STK3: variants seen among roughly 807,000 people sequenced by gnomAD.
STK3 encodes the protein serine/threonine kinase 3.
STK3 carries 41 observed loss-of-function variants against 58.0 expected under a neutral mutation model. The ratio of observed to expected loss-of-function variants is 0.71; its 90% CI spans 0.55 to 0.92. The LOEUF is 0.92. Ranked by LOEUF, STK3 falls within the 40% of genes least tolerant of loss-of-function variation. The probability of loss-of-function intolerance (pLI) is 0.00; values close to 1 mark genes in which losing one functional copy is unlikely to be tolerated. For synonymous variants in STK3, 170 were observed against 191.0 expected, an observed-to-expected ratio of 0.89 and a Z score of 0.91; for missense variants, 479 against 602.7, an observed-to-expected ratio of 0.79 and a Z score of 2.15.
intron 1 of STK3, among the ~76,000 whole-genome samples, chr8:98,910,503 GA>G (rs1276920141): frequency 5.3e-5 from 8 of 152,248 alleles, no homozygotes; most frequent in African/African-American, 1.9e-4. Context: ...TATTGAGAAG[GA>G]AACTTCTATA....
chr8:98,486,026 A>C (rs1233403771), intron 10 of STK3, among the ~76,000 whole-genome samples: 1 of 152,202 alleles, frequency 6.6e-6, no homozygotes, highest in African/African-American at 2.4e-5. Context: ...TGGATAAAGG[A>C]AACAGACCGA....
chr8:98,766,016 A>T (rs1031869635), intron 3 of STK3, among the ~76,000 whole-genome samples: 1 of 152,056 alleles, frequency 6.6e-6, no homozygotes, highest in Admixed American at 6.6e-5. Context: ...GCACACCCCA[A>T]TGAGTTGTTT....
chr8:98,905,265 G>T, intron 1 of STK3: 1 of 832,164 alleles, frequency 1.2e-6, no homozygotes, highest in Non-Finnish European at 2.1e-6. Context: ...GAAACTCTGT[G>T]TTGTCAAGGC....
In STK3 at chr8:98,755,053, G is replaced by A. The variant is rs529374393; in HGVS notation, c.237-5663C>T. On this transcript the variant is annotated intron_variant, in intron 3 of 10. Coordinates refer to ENST00000419617, the MANE Select transcript of STK3 (RefSeq NM_006281.4). ...TAAGAGTAAGTCAAGAGAAAACTTT[G>A]GCAAAACGTAAAATTCTCTTCAAAA... 2.0e-5 allele frequency among the ~76,000 whole-genome samples: 3 copies of A among 152,226 alleles called. No individual in the cohort carries two copies. The South Asian group carries it at 6.2e-4, about 32-fold the overall frequency.
chr8:98,453,045 G>A (rs557091272), downstream of STK3, among the ~76,000 whole-genome samples: 1 of 104,162 alleles, frequency 9.6e-6, no homozygotes, highest in South Asian at 2.7e-4. Context: ...ACAGGCATGA[G>A]CCACCAAGCC....
chr8:98,687,162 C>T (rs953307078), intron 6 of STK3, among the ~76,000 whole-genome samples: 3 of 152,138 alleles, frequency 2.0e-5, no homozygotes, highest in African/African-American at 7.2e-5. Context: ...AAAGAAAAAA[C>T]CTTAAAGGCA....
chr8:98,704,063 G>A (rs1370888901), intron 6 of STK3, among the ~76,000 whole-genome samples: 2 of 152,084 alleles, frequency 1.3e-5, no homozygotes, highest in South Asian at 2.1e-4. Flanking sequence ...CTGAAAAAAA[G>A]CAGTTGTGTG....
At chr8:98,504,022 A>G (rs1434960538) in intron 10 of STK3, among the ~76,000 whole-genome samples, 3 of 152,134 alleles carry the variant, frequency 2.0e-5, no homozygotes, top group Admixed American at 6.5e-5. Flanking sequence ...TGGGAGTCTA[A>G]GTCTCTTTGT....
At chr8:98,376,506 ATAG>A (rs1236937407) in intron 2 of STK3, among the ~76,000 whole-genome samples, 1 of 142,784 alleles carries the variant, frequency 7.0e-6, no homozygotes, top group East Asian at 2.2e-4. Context: ...CCAAGGTCGC[ATAG>A]ATTTTTTCCT....
intron 6 of STK3, among the ~76,000 whole-genome samples, chr8:98,600,646 T>C (rs889380209): frequency 5.9e-5 from 9 of 152,172 alleles, no homozygotes; most frequent in African/African-American, 2.2e-4. Flanking sequence ...TTATATACAT[T>C]CAGTCTCTAG....
At chr8:98,664,278 A>C (rs1192209994) in intron 6 of STK3, among the ~76,000 whole-genome samples, 1 of 152,166 alleles carries the variant, frequency 6.6e-6, no homozygotes, top group Non-Finnish European at 1.5e-5. Context: ...ACCAAAAAAA[A>C]GGGGATCAGC....
intron 4 of STK3, among the ~76,000 whole-genome samples, chr8:98,742,127 T>A (rs1829269095): frequency 6.6e-6 from 1 of 151,798 alleles, no homozygotes; most frequent in African/African-American, 2.4e-5. Flanking sequence ...ACCAGATGGA[T>A]TCACAGCCGA....
intron 2 of STK3, among the ~76,000 whole-genome samples, chr8:98,375,250 G>A (rs1412030553): frequency 8.4e-6 from 1 of 119,512 alleles, no homozygotes; most frequent in Non-Finnish European, 1.7e-5. Context: ...GCAAGAAGCT[G>A]TTTCCAAAAC....
downstream of STK3, among the ~76,000 whole-genome samples, chr8:98,396,856 C>A (rs1379850162): frequency 6.6e-6 from 1 of 152,234 alleles, no homozygotes; most frequent in Non-Finnish European, 1.5e-5. Flanking sequence ...ACATGTTTGA[C>A]TCTGCCATTT....
chr8:98,861,568 G>A (rs1437968749), intron 3 of STK3, among the ~76,000 whole-genome samples: 15 of 151,846 alleles, frequency 9.9e-5, no homozygotes, highest in African/African-American at 3.6e-4. Context: ...GGCTGGTCTC[G>A]AACTCCTGAG....
chr8:98,399,421 C>T (rs1013298726), downstream of STK3, among the ~76,000 whole-genome samples: 11 of 152,208 alleles, frequency 7.2e-5, no homozygotes, highest in South Asian at 6.2e-4. Context: ...GACACATTCC[C>T]GGTTGACGCT....
chr8:98,890,608 G>A (rs1322011298), intron 1 of STK3, among the ~76,000 whole-genome samples: 1 of 152,020 alleles, frequency 6.6e-6, no homozygotes, highest in Non-Finnish European at 1.5e-5. Flanking sequence ...CAGCCACCAG[G>A]GGTCACATAA....
intron 1 of STK3, among the ~76,000 whole-genome samples, chr8:98,912,417 A>G (rs575142448): frequency 6.6e-6 from 1 of 152,022 alleles, no homozygotes; most frequent in Non-Finnish European, 1.5e-5. Context: ...AAAAAAAAAA[A>G]ACTTTATCTT....
At chr8:98,827,939 C>T (rs1018605890), upstream of STK3, among the ~76,000 whole-genome samples, 2 of 151,756 alleles carry the variant, frequency 1.3e-5, no homozygotes, top group African/African-American at 4.8e-5. Context: ...AATTACTCCA[C>T]TCTAACCCCC....
Sources: gnomAD v4.1 joint callset for allele counts (sites outside exome capture counted in the v4.1 genomes callset) on GRCh38, gnomAD v4.1.1 for gene constraint, MANE v1.5 for transcripts, NCBI Gene and HGNC (gene_info 2026-07-23, HGNC 2026-07-21) for gene names.